The following VPS13D variants were observed in gnomAD, a reference collection of about 807,000 sequenced individuals.
VPS13D encodes the protein intermembrane lipid transfer protein VPS13D.
A neutral mutation model predicts 461.9 loss-of-function variants in VPS13D; 187 were observed. The ratio of observed to expected loss-of-function variants is 0.40; its 90% CI spans 0.36 to 0.46. VPS13D has a LOEUF of 0.46. VPS13D is among the 20% of genes least tolerant of loss of function. VPS13D has a pLI of 0.60. For synonymous variants in VPS13D, 1,951 were observed against 1,986.3 expected, an observed-to-expected ratio of 0.98 and a Z score of 0.47; for missense variants, 4,711 against 5,364.9, an observed-to-expected ratio of 0.88 and a Z score of 3.81.
chr1:12,282,727 A>T lies in VPS13D; in HGVS notation c.4625A>T (p.Tyr1542Phe). The T allele has an allele frequency of 1.2e-6, 2 of 1,610,172 alleles. No individual in the cohort carries two copies. The change falls in exon 21 of 70, where the codon TAT (tyrosine) becomes TTT (phenylalanine). Residue 1542 changes from tyrosine to phenylalanine, a missense_variant. Physicochemically the swap from Tyr to Phe is conservative, Grantham distance 22. Coordinates refer to ENST00000620676, the MANE Select transcript of VPS13D (RefSeq NM_015378.4). ...CAGGTGGTGTTAGCAAAGCATGTAT[A>T]TGAGCAGGTTTTACAAACCCTGGAC... ...PVQVVLAKHV[Y>F]EQVLQTLDNL...
intron 15 of VPS13D, among the ~76,000 whole-genome samples, 154 bp downstream of exon 15, chr1:12,268,074 G>A (rs1641326643): frequency 6.6e-6 from 1 of 151,910 alleles, no homozygotes; most frequent in Non-Finnish European, 1.5e-5. Context: ...TGATTCTCAT[G>A]CCCTTGCCAG....
chr1:12,367,867 G>A (rs1055369373), intron 52 of VPS13D, among the ~76,000 whole-genome samples: 1 of 152,058 alleles, frequency 6.6e-6, no homozygotes, highest in Non-Finnish European at 1.5e-5. Context: ...TCAGCCTCCC[G>A]AAGTGCTGGG....
chr1:12,484,602 G>A (rs985972245), intron 67 of VPS13D, among the ~76,000 whole-genome samples: 3 of 152,170 alleles, frequency 2.0e-5, no homozygotes, highest in Non-Finnish European at 4.4e-5. Flanking sequence ...ACTTCCTTAT[G>A]TGAATCTTGG....
intron 29 of VPS13D, 44 bp downstream of exon 29, chr1:12,311,969 A>G (rs1361223613): frequency 6.8e-7 from 1 of 1,474,164 alleles, no homozygotes; most frequent in Non-Finnish European, 9.4e-7. Flanking sequence ...AACAGTATCC[A>G]AATAATACAC....
chr1:12,402,289 AAATAATTGAGCTGTT>A (rs1371919189), intron 62 of VPS13D, among the ~76,000 whole-genome samples: 1 of 152,190 alleles, frequency 6.6e-6, no homozygotes, highest in Non-Finnish European at 1.5e-5. Flanking sequence ...AGTGCTACAG[AAATAATTGAGCTGTT>A]GCTTCTTTTC....
chr1:12,478,774 C>T, intron 67 of VPS13D: 2 of 456,104 alleles, frequency 4.4e-6, no homozygotes, highest in Non-Finnish European at 8.8e-6. Context: ...GTGCTTTCTT[C>T]AGAGTAGCTC....
intron 62 of VPS13D, among the ~76,000 whole-genome samples, chr1:12,403,569 A>G (rs1012906126): frequency 1.3e-5 from 2 of 152,244 alleles, no homozygotes; most frequent in Non-Finnish European, 2.9e-5. Flanking sequence ...TCCAAAGATG[A>G]CATCTGTTGG....
chr1:12,496,635 C>G (rs981954680), intron 67 of VPS13D, among the ~76,000 whole-genome samples: 2 of 152,252 alleles, frequency 1.3e-5, no homozygotes, highest in African/African-American at 4.8e-5. Flanking sequence ...CCAGTGCACT[C>G]TTATCAGTCA....
At chr1:12,318,395 T>TA in intron 31 of VPS13D, 58 bp downstream of exon 31, 1 of 1,554,196 alleles carries the variant, frequency 6.4e-7, no homozygotes, top group East Asian at 2.3e-5. Flanking sequence ...GCTCAATATC[T>TA]GCCTTACAGG....
intron 1 of VPS13D, among the ~76,000 whole-genome samples, chr1:12,230,460 C>T (rs892342407): frequency 1.3e-4 from 20 of 152,106 alleles, no homozygotes; most frequent in Non-Finnish European, 2.2e-4. Context: ...CGCTGGACCC[C>T]GGCACACTTT....
chr1:12,329,779 T>G (rs1229030397), intron 36 of VPS13D, 50 bp from the exon 37 acceptor site: 2 of 1,480,890 alleles, frequency 1.4e-6, no homozygotes, highest in Non-Finnish European at 9.4e-7. Flanking sequence ...CAAAAGGCAG[T>G]TTTGGTTGCT....
chr1:12,403,416 C>A (rs1337550664), intron 62 of VPS13D, among the ~76,000 whole-genome samples: 4 of 152,220 alleles, frequency 2.6e-5, no homozygotes, highest in African/African-American at 9.6e-5. Flanking sequence ...TGGTGATATC[C>A]ATTTTGATTC....
At chr1:12,435,557 C>T (rs1645048994) in intron 65 of VPS13D, among the ~76,000 whole-genome samples, 1 of 152,134 alleles carries the variant, frequency 6.6e-6, no homozygotes, top group African/African-American at 2.4e-5. Context: ...GTTTAATCCT[C>T]ATAACGACCC....
At chr1:12,474,749 C>A (rs1036270473) in intron 67 of VPS13D, among the ~76,000 whole-genome samples, 2 of 152,108 alleles carry the variant, frequency 1.3e-5, no homozygotes. Flanking sequence ...TCCTAATTCC[C>A]GAAATTTAAC....
chr1:12,368,182 C>CACAT (rs1000358215), intron 52 of VPS13D, among the ~76,000 whole-genome samples: 3 of 152,218 alleles, frequency 2.0e-5, no homozygotes, highest in East Asian at 1.9e-4. Context: ...TATACACACA[C>CACAT]ACATACATAC....
intron 65 of VPS13D, among the ~76,000 whole-genome samples, chr1:12,450,635 G>A (rs1645251613): frequency 6.6e-6 from 1 of 152,208 alleles, no homozygotes; most frequent in South Asian, 2.1e-4. Flanking sequence ...TCATGAAGAG[G>A]GAACAAATAC....
intron 2 of VPS13D, 152 bp from the exon 3 acceptor site, chr1:12,242,361 C>A: frequency 1.6e-6 from 1 of 640,000 alleles, no homozygotes. Flanking sequence ...ATGATGTAGC[C>A]CGTTCTAGAT....
intron 67 of VPS13D, among the ~76,000 whole-genome samples, chr1:12,492,250 T>C (rs1297040191): frequency 6.6e-6 from 1 of 152,222 alleles, no homozygotes; most frequent in Non-Finnish European, 1.5e-5. Context: ...CTTTTTTAAA[T>C]TTATTAATTT....
intron 26 of VPS13D, among the ~76,000 whole-genome samples, chr1:12,305,831 T>A (rs190691794): frequency 2.8e-4 from 42 of 152,322 alleles, no homozygotes; most frequent in African/African-American, 9.9e-4. Flanking sequence ...AAAGTGGTTT[T>A]AATTGTGTTG....
Sources: gnomAD v4.1 joint callset for allele counts (sites outside exome capture counted in the v4.1 genomes callset) on GRCh38, gnomAD v4.1.1 for gene constraint, MANE v1.5 for transcripts, NCBI Gene and HGNC (gene_info 2026-07-23, HGNC 2026-07-21) for gene names.